TMEM74: variants seen among roughly 807,000 people sequenced by gnomAD.
TMEM74 encodes the protein transmembrane protein 74.
In TMEM74, 13 loss-of-function variants were observed where a neutral mutation model predicts 18.1. That is an observed-to-expected ratio of 0.72 (90% CI 0.47 to 1.14). TMEM74 has a LOEUF of 1.14. Among genes scored for constraint, TMEM74 ranks in the 50% most tolerant of loss-of-function variants. TMEM74 has a pLI of 0.00. For synonymous variants in TMEM74, 159 were observed against 146.6 expected, an observed-to-expected ratio of 1.08 and a Z score of -0.61; for missense variants, 372 against 375.9, an observed-to-expected ratio of 0.99 and a Z score of 0.09.
intron 2 of TMEM74, among the ~76,000 whole-genome samples, chr8:108,617,535 C>T (rs1812397251): frequency 6.6e-6 from 1 of 152,194 alleles, no homozygotes; most frequent in African/African-American, 2.4e-5. Context: ...TCCATTCAAA[C>T]CTCATTTGGT....
chr8:108,771,690 C>G (rs901683396), intron 1 of TMEM74, among the ~76,000 whole-genome samples: 3 of 152,142 alleles, frequency 2.0e-5, no homozygotes, highest in African/African-American at 7.2e-5. Context: ...AGTTTATGGG[C>G]CTACACCATG....
At chr8:108,730,133 G>A (rs989367880) in intron 1 of TMEM74, among the ~76,000 whole-genome samples, 2 of 152,190 alleles carry the variant, frequency 1.3e-5, no homozygotes, top group African/African-American at 4.8e-5. Context: ...GTTGGCATGA[G>A]CCTGCTAGTC....
chr8:108,643,470 T>G (rs1326735632), intron 2 of TMEM74, among the ~76,000 whole-genome samples: 2 of 152,170 alleles, frequency 1.3e-5, no homozygotes, highest in African/African-American at 4.8e-5. Flanking sequence ...TTCCTGATTT[T>G]CAAGGACAGA....
At chr8:108,746,454 T>C (rs1264308982) in intron 1 of TMEM74, among the ~76,000 whole-genome samples, 1 of 152,136 alleles carries the variant, frequency 6.6e-6, no homozygotes, top group Non-Finnish European at 1.5e-5. Flanking sequence ...AATTATGAGC[T>C]TCACAAAGGT....
chr8:108,699,079 G>T (rs974808419), intron 1 of TMEM74, among the ~76,000 whole-genome samples: 3 of 151,238 alleles, frequency 2.0e-5, no homozygotes, highest in African/African-American at 7.3e-5. Context: ...CCTTCTTTCT[G>T]GGAACTACCA....
chr8:108,765,320 C>T (rs1226447698), intron 1 of TMEM74, among the ~76,000 whole-genome samples: 1 of 151,908 alleles, frequency 6.6e-6, no homozygotes, highest in South Asian at 2.1e-4. Context: ...GAGAGGCTTC[C>T]ATCATCCTGG....
intron 1 of TMEM74, among the ~76,000 whole-genome samples, chr8:108,747,381 G>T (rs1443065691): frequency 6.6e-5 from 10 of 152,030 alleles, no homozygotes; most frequent in Admixed American, 6.6e-4. Context: ...AGAAAAAAAA[G>T]CAGATAAACT....
chr8:108,698,134 C>T (rs1813299767), intron 1 of TMEM74, among the ~76,000 whole-genome samples: 1 of 152,100 alleles, frequency 6.6e-6, no homozygotes, highest in Admixed American at 6.6e-5. Context: ...AGTAATCTTT[C>T]AGAATGGTAT....
downstream of TMEM74, among the ~76,000 whole-genome samples, chr8:108,776,633 TG>T (rs2129653215): frequency 6.6e-6 from 1 of 152,316 alleles, no homozygotes; most frequent in South Asian, 2.1e-4. Flanking sequence ...TTTTCCAAAT[TG>T]TTTTTCCGTT....
At chr8:108,696,991 A>T (rs1241132531) in intron 1 of TMEM74, among the ~76,000 whole-genome samples, 2 of 152,182 alleles carry the variant, frequency 1.3e-5, no homozygotes, top group African/African-American at 2.4e-5. Flanking sequence ...CACCTACTTT[A>T]GATTTTACTT....
chr8:108,753,807 C>T (rs998093148), intron 1 of TMEM74, among the ~76,000 whole-genome samples: 6 of 152,028 alleles, frequency 3.9e-5, no homozygotes, highest in African/African-American at 1.4e-4. Flanking sequence ...GTTTCATCTG[C>T]TCTTTGTTCC....
At chr8:108,697,782 G>T (rs1457758475) in intron 1 of TMEM74, among the ~76,000 whole-genome samples, 1 of 151,950 alleles carries the variant, frequency 6.6e-6, no homozygotes, top group Non-Finnish European at 1.5e-5. Flanking sequence ...GGATTTGTTT[G>T]TTTGTTTTTT....
chr8:108,696,552 T>C (rs1467010606), intron 1 of TMEM74, among the ~76,000 whole-genome samples: 4 of 152,214 alleles, frequency 2.6e-5, no homozygotes, highest in Non-Finnish European at 4.4e-5. Flanking sequence ...ATGAGAAATA[T>C]AATTACAATC....
rs369848257 is a variant in TMEM74, at chr8:108,688,153, A to T, written n.120-32716T>A. On this transcript the variant is annotated intron_variant and non_coding_transcript_variant, in intron 1 of 3. Transcript: ENST00000518838. The stretch of plus-strand genomic sequence containing the variant: ...AACTTAAAGAGATCGATAATGGCCA[A>T]TGCTGACTGGTATGCAAACTGGTGC... 4.9e-4 allele frequency among the ~76,000 whole-genome samples: 74 copies of T among 152,356 alleles called. 1 individual carries two copies. The highest frequency in any genetic ancestry group is 1.8e-3 in the African/African-American group (73 of 41,588).
At chr8:108,777,918 C>G (rs1355179975), downstream of TMEM74, among the ~76,000 whole-genome samples, 1 of 152,102 alleles carries the variant, frequency 6.6e-6, no homozygotes, top group Non-Finnish European at 1.5e-5. Context: ...TTGGCTTAAT[C>G]TCCTTTTTTA....
chr8:108,777,630 A>C (rs919092981), downstream of TMEM74, among the ~76,000 whole-genome samples: 2 of 152,196 alleles, frequency 1.3e-5, no homozygotes, highest in Admixed American at 1.3e-4. Flanking sequence ...GTATAAATTG[A>C]TGTTTTTATA....
At chr8:108,731,136 A>T (rs1813691207) in intron 1 of TMEM74, among the ~76,000 whole-genome samples, 1 of 151,742 alleles carries the variant, frequency 6.6e-6, no homozygotes, top group Non-Finnish European at 1.5e-5. Context: ...TGTGTCTTAG[A>T]ATTTATATGT....
chr8:108,621,561 G>A (rs554092840), intron 2 of TMEM74, among the ~76,000 whole-genome samples: 119 of 152,280 alleles, frequency 7.8e-4, no homozygotes, highest in African/African-American at 2.5e-3. Flanking sequence ...TATCAGCTGC[G>A]TCTGTTACAC....
chr8:108,764,547 A>C (rs1027821284), intron 1 of TMEM74, among the ~76,000 whole-genome samples: 1 of 152,164 alleles, frequency 6.6e-6, no homozygotes, highest in Non-Finnish European at 1.5e-5. Flanking sequence ...TTTGAGTTTA[A>C]GATGAGGATA....
Sources: allele counts gnomAD v4.1 joint callset (sites outside exome capture counted in the v4.1 genomes callset), GRCh38; gene constraint gnomAD v4.1.1; transcripts MANE v1.5; gene names NCBI Gene and HGNC (gene_info 2026-07-23, HGNC 2026-07-21).